Variants in PROCA1 observed in about 807,000 individuals in gnomAD.
The protein encoded by PROCA1 is protein PROCA1.
A neutral mutation model predicts 23.2 loss-of-function variants in PROCA1; 22 were observed. That is an observed-to-expected ratio of 0.95 (90% CI 0.68 to 1.35). PROCA1 has a LOEUF of 1.35. Ranked by LOEUF, PROCA1 falls within the 40% of genes most tolerant of loss-of-function variation. The pLI is 0.00. For synonymous variants in PROCA1, 182 were observed against 179.2 expected (o/e 1.02, Z -0.12); for missense variants, 469 against 459.8 (o/e 1.02, Z -0.18).
At chr17:28,706,811 C>T (rs1211777612) in intron 1 of PROCA1, 48 bp from the exon 2 acceptor site, 2 of 1,299,472 alleles carry the variant, frequency 1.5e-6, no homozygotes, top group South Asian at 2.5e-5. Context: ...CCTCCCTGTG[C>T]CATTTATTCA....
At position 28,706,668 on chromosome 17, in the gene PROCA1, T is replaced by G; in HGVS notation, c.175+12A>C. On this transcript the variant is annotated intron_variant, in intron 2 of 4. Transcript: ENST00000682792. ...ATGAGGATCCCCTGGGTCAAAGGTC[T>G]CCTGGACCCACCTTCAGAGAAGGTA... The G allele has an allele frequency of 7.7e-7, 1 of 1,302,606 alleles. No individual in the cohort carries two copies. Among genetic ancestry groups the G allele is most frequent in the South Asian group, 1.2e-5 (1 of 80,948 alleles). The allele number at this position is 1,302,606 out of a possible 1,614,324, so 80.7% of individuals were successfully genotyped here.
intron 2 of PROCA1, 160 bp downstream of exon 2, chr17:28,706,520 G>A (rs955941818): frequency 4.0e-5 from 14 of 354,188 alleles, no homozygotes; most frequent in African/African-American, 2.3e-4. Flanking sequence ...CTTGAGAAAG[G>A]GGTCCCCTCT....
chr17:28,710,714 C>T (rs1206192490), intron 1 of PROCA1, among the ~76,000 whole-genome samples: 1 of 152,054 alleles, frequency 6.6e-6, no homozygotes, highest in Non-Finnish European at 1.5e-5. Context: ...CAGGAGGAGA[C>T]CTCTGACCAG....
chr17:28,710,962 G>T (rs2032750539), intron 1 of PROCA1: 21 of 1,282,820 alleles, frequency 1.6e-5, no homozygotes, highest in Non-Finnish European at 2.0e-5. Context: ...CACCAGAGCA[G>T]CCGAAAGGAG....
At chr17:28,709,716 G>C (rs1416884801) in intron 1 of PROCA1, among the ~76,000 whole-genome samples, 1 of 151,974 alleles carries the variant, frequency 6.6e-6, no homozygotes. Flanking sequence ...GTCCTACCAG[G>C]CCGGGTGCAG....
At position 28,711,602 on chromosome 17, in the gene PROCA1, T is replaced by C. The variant is rs751124321; in HGVS notation, c.59A>G (p.Lys20Arg). The C allele has an allele frequency of 1.9e-6, 3 of 1,611,714 alleles. No homozygotes were observed. In the South Asian group the frequency reaches 3.3e-5, roughly 18 times the overall value. Residue 20 changes from lysine to arginine, a missense_variant, in exon 1 of 5, where the codon AAG becomes AGG. Lys to Arg is a conservative substitution (Grantham distance 26, BLOSUM62 2). Coordinates refer to ENST00000682792, the MANE Select transcript of PROCA1 (RefSeq NM_001366301.1). Reference sequence around the variant, plus strand: ...TCTGCTCTCATCCCACGAGCGGGCCTTGGGCTCGGTCTTTTCCTTAGTCCA... The same window carrying C: ...TCTGCTCTCATCCCACGAGCGGGCCCTGGGCTCGGTCTTTTCCTTAGTCCA... ...ERWTKEKTEP[K>R]ARSWDESRCR... is the part of the protein sequence containing the mutation.
At chr17:28,708,010 T>G (rs1019798329) in intron 1 of PROCA1, 3 of 152,340 alleles carry the variant, frequency 2.0e-5, no homozygotes, top group Non-Finnish European at 4.4e-5. Flanking sequence ...TTGTTTTGTT[T>G]TTTGTTTGTT....
At position 28,703,914 on chromosome 17, in the gene PROCA1, CCTT is replaced by C. The variant is rs776939833; in HGVS notation, c.736_738del (p.Lys246del). 6.2e-6 allele frequency: 10 copies of C among 1,613,938 alleles called. No homozygotes were observed. Among genetic ancestry groups the C allele is most frequent in the East Asian group, 2.2e-5 (1 of 44,858 alleles). On this transcript the variant is annotated inframe_deletion, in exon 5 of 5. Transcript: ENST00000682792. ...AGCTTTGCCTTCTCATCCATCTCCT[CCTT>C]GTCTTTCTCTTTTTCCTTTTTCTTC...
In PROCA1 at chr17:28,703,713, G is replaced by C. The variant is rs2032251457; in HGVS notation, c.940C>G (p.Gln314Glu). 1 of 1,613,902 alleles carries C rather than the reference G, an allele frequency of 6.2e-7. No individual in the cohort carries two copies. Among genetic ancestry groups the C allele is most frequent in the South Asian group, 1.1e-5 (1 of 91,082 alleles). Residue 314 changes from glutamine to glutamate, a missense_variant, in exon 5 of 5, where the codon CAG (glutamine) becomes GAG (glutamate). By Grantham distance (29) the Gln-to-Glu change is conservative (BLOSUM62 2). Coordinates refer to ENST00000682792, the MANE Select transcript of PROCA1 (RefSeq NM_001366301.1). The part of the protein sequence containing the change: ...ESEDSYNGRG[Q>E]GELSSEDIVE... ...ATATCCTCGCTGGACAGTTCTCCCT[G>C]CCCCCGGCCATTGTAACTGTCCTCG...
Position 28,703,279 on chromosome 17 carries a change from T to A in PROCA1, c.*279A>T. 2.2e-6 allele frequency: 1 copy of A among 463,574 alleles called. No individual in the cohort carries two copies. Among genetic ancestry groups the A allele is most frequent in the Non-Finnish European group, 3.8e-6 (1 of 260,206 alleles). The allele number at this position is 463,574 out of a possible 1,614,324, so 28.7% of individuals were successfully genotyped here. A position where few individuals can be genotyped will look rare whatever the true frequency, so the allele number is the denominator to read the frequency against. On this transcript the variant is annotated 3_prime_UTR_variant, in exon 5 of 5. Coordinates refer to ENST00000682792, the MANE Select transcript of PROCA1 (RefSeq NM_001366301.1). ...GAAGTGGATTTCACACAGACCAGTC[T>A]CTCGCAGCAGAGAGGGGAAGCCCTC... is the stretch of plus-strand genomic sequence containing the variant.
chr17:28,704,262 C>T (rs1327074534), intron 4 of PROCA1, 45 bp downstream of exon 4: 5 of 1,585,036 alleles, frequency 3.2e-6, no homozygotes, highest in South Asian at 1.2e-5. Flanking sequence ...GGGGGCAGTG[C>T]CCTGTAGAGG....
chr17:28,708,731 G>GAAAAAAAAAAACAA (rs1555553138), intron 1 of PROCA1, among the ~76,000 whole-genome samples: 1 of 100,980 alleles, frequency 9.9e-6, no homozygotes, highest in East Asian at 3.4e-4. Context: ...CCAGAAAAAG[G>GAAAAAAAAAAACAA]AAAAAAAAAA....
chr17:28,710,773 G>A, intron 1 of PROCA1: 14 of 1,302,810 alleles, frequency 1.1e-5, no homozygotes, highest in Non-Finnish European at 1.4e-5. Context: ...CACACACAAT[G>A]AATGAGGAGG....
Position 28,704,214 on chromosome 17 carries a change from T to C in PROCA1, c.441-2A>G, listed in dbSNP as rs866182596. The C allele has an allele frequency of 4.5e-6, 7 of 1,551,342 alleles. No individual in the cohort carries two copies. The South Asian group carries it at 6.1e-5, about 14-fold the overall frequency. On this transcript the variant is annotated splice_acceptor_variant, in intron 4 of 4. Coordinates refer to ENST00000682792, the MANE Select transcript of PROCA1 (RefSeq NM_001366301.1). LOFTEE classifies it high-confidence loss of function. ...GAGACAGGTCTGTAGCTTTTGCACC[T>C]GGGAGAAGGGACAACGGGGGAAGTT...
At chr17:28,711,529 G>A (rs1454934905) in intron 1 of PROCA1, 41 bp downstream of exon 1, 8 of 1,534,924 alleles carry the variant, frequency 5.2e-6, no homozygotes, top group Middle Eastern at 1.8e-4. Context: ...TCTGCGAGCC[G>A]GGCCGCGCCC....
chr17:28,706,444 A>G (rs901992470), intron 2 of PROCA1: 9 of 240,530 alleles, frequency 3.7e-5, no homozygotes, highest in Non-Finnish European at 7.0e-5. Context: ...GGCGGACTCA[A>G]TTCACATATG....
chr17:28,707,069 G>A, intron 1 of PROCA1: 1 of 323,484 alleles, frequency 3.1e-6, no homozygotes, highest in Non-Finnish European at 6.2e-6. Context: ...GGAGGACTGG[G>A]GACTATGGAA....
intron 1 of PROCA1, among the ~76,000 whole-genome samples, chr17:28,709,250 T>TTTTTG (rs1567718201): frequency 6.6e-6 from 1 of 152,032 alleles, no homozygotes. Context: ...CAAGCCTTTT[T>TTTTTG]TTTTGTTTTG....
In PROCA1 at chr17:28,703,496, C is replaced by T. The variant is rs1020712733; in HGVS notation, c.*62G>A. On this transcript the variant is annotated 3_prime_UTR_variant, in exon 5 of 5. Transcript: ENST00000682792. ...AAACAGCCAGGTTGGAGGGAGAGAACAGCAGCAGAGGGCCAGCCACAGGCT... is the reference window on the plus strand; with the variant it reads ...AAACAGCCAGGTTGGAGGGAGAGAATAGCAGCAGAGGGCCAGCCACAGGCT... 4.1e-5 allele frequency: 62 copies of T among 1,526,416 alleles called. No homozygotes were observed. Among genetic ancestry groups the T allele is most frequent in the Non-Finnish European group, 5.5e-5 (62 of 1,125,920 alleles). 94.6% of individuals were successfully genotyped at this position (1,526,416 alleles called of 1,614,324 possible).
Sources: gnomAD v4.1 joint callset for allele counts (sites outside exome capture counted in the v4.1 genomes callset) on GRCh38, gnomAD v4.1.1 for gene constraint, MANE v1.5 for transcripts, NCBI Gene and HGNC (gene_info 2026-07-23, HGNC 2026-07-21) for gene names.